VPS33B: variants seen among roughly 807,000 people sequenced by gnomAD.
The protein encoded by VPS33B is vacuolar protein sorting-associated protein 33B.
A neutral mutation model predicts 95.3 loss-of-function variants in VPS33B; 80 were observed. The observed-to-expected ratio is 0.84, with a 90% CI of 0.70 to 1.01. VPS33B has a LOEUF of 1.01. Ranked by LOEUF, VPS33B falls within the 50% of genes least tolerant of loss-of-function variation. The pLI, the probability that VPS33B is intolerant of heterozygous loss-of-function variation, is 0.00. For synonymous variants in VPS33B, 280 were observed against 280.4 expected (o/e 1.00, Z 0.01); for missense variants, 715 against 773.4 (o/e 0.92, Z 0.90).
In VPS33B at chr15:91,006,292, G is replaced by C; in HGVS notation, c.852+80C>G. On this transcript the variant is annotated intron_variant, in intron 11 of 22. Coordinates refer to ENST00000333371, the MANE Select transcript of VPS33B (RefSeq NM_018668.5). The surrounding 1 kb of genome is among the most constrained non-coding windows in gnomAD (Gnocchi z 5.4). ...TCCCCTCTCAGAGCTGGGGCCCACA[G>C]CCTGGTATAAGCAGGGGGCCCACAG... 1.0e-6 allele frequency: 1 copy of C among 978,024 alleles called. No homozygotes were observed. The highest frequency in any genetic ancestry group is 2.5e-5 in the South Asian group (1 of 39,494). The allele number at this position is 978,024 out of a possible 1,614,324, so 60.6% of individuals were successfully genotyped here.
At chr15:91,021,719 A>T (rs561062340) in intron 1 of VPS33B, among the ~76,000 whole-genome samples, 4 of 152,260 alleles carry the variant, frequency 2.6e-5, no homozygotes, top group Non-Finnish European at 5.9e-5. Flanking sequence ...CTTATTACTC[A>T]CACTCACTTC....
intron 17 of VPS33B, 37 bp downstream of exon 17, chr15:91,003,048 A>G: frequency 1.2e-6 from 2 of 1,613,046 alleles, no homozygotes; most frequent in Non-Finnish European, 8.5e-7. Flanking sequence ...ACTGCCCTCC[A>G]TCAAGTTCCC....
chr15:91,019,278 T>C (rs1482276919), intron 1 of VPS33B, among the ~76,000 whole-genome samples: 1 of 151,872 alleles, frequency 6.6e-6, no homozygotes, highest in Non-Finnish European at 1.5e-5. Flanking sequence ...CCACCACACC[T>C]GGCTAATTTT....
In VPS33B at chr15:91,005,923, T is replaced by C. The variant is rs915071635; in HGVS notation, c.939+50A>G. The C allele has an allele frequency of 1.9e-6, 3 of 1,610,958 alleles. No homozygotes were observed. The African/African-American group carries it at 4.0e-5, about 22-fold the overall frequency. ...AAGGGGAGCCCAAGGGCAGCAGCCT[T>C]GGGAAGCCACTGAGGCAACAAAACA... On this transcript the variant is annotated intron_variant, in intron 12 of 22. Coordinates refer to ENST00000333371, the MANE Select transcript of VPS33B (RefSeq NM_018668.5). The surrounding 1 kb of genome is among the most constrained non-coding windows in gnomAD (Gnocchi z 6.4).
chr15:90,999,761 A>G lies in VPS33B; in HGVS notation c.1690T>C (p.Ser564Pro), dbSNP rs1217376595. The change falls in exon 22 of 23, where the codon TCC becomes CCC. Residue 564 changes from serine (S) to proline (P), a missense_variant. Transcript: ENST00000333371. This position sits in a 1 kb window ranked among gnomAD's most constrained non-coding sequence, Gnocchi z 5.1. ...MTKEDKASSE[S>P]LRLILVVFLG... ...AACACCACCAAGATGAGGCGCAGGG[A>G]CTCACTGGAAGCCTTGTCTTCCTTA... 1.9e-6 allele frequency: 3 copies of G among 1,613,928 alleles called. No individual in the cohort carries two copies. Among genetic ancestry groups the G allele is most frequent in the Non-Finnish European group, 2.5e-6 (3 of 1,180,010 alleles).
Position 91,015,907 on chromosome 15 carries a change from A to G in VPS33B, c.239+1056T>C, listed in dbSNP as rs2040910794. Among the ~76,000 whole-genome samples the G allele has an allele frequency of 6.6e-6, 1 of 152,184 alleles. No individual in the cohort carries two copies. The highest frequency in any genetic ancestry group is 1.5e-5 in the Non-Finnish European group (1 of 68,030). ...AATATTTTTTTTCAAACTGGGGTACATGGATATATTCTCCATGTATCCAGG... is the reference window on the plus strand; with the variant it reads ...AATATTTTTTTTCAAACTGGGGTACGTGGATATATTCTCCATGTATCCAGG... On this transcript the variant is annotated intron_variant, in intron 3 of 22. Transcript: ENST00000333371. This position sits in a 1 kb window ranked among gnomAD's most constrained non-coding sequence, Gnocchi z 4.7.
Position 91,013,764 on chromosome 15 carries a change from T to A in VPS33B, c.357+40A>T. 1 of 1,612,236 alleles carries A rather than the reference T, an allele frequency of 6.2e-7. No homozygotes were observed. Among genetic ancestry groups the A allele is most frequent in the Non-Finnish European group, 8.5e-7 (1 of 1,178,384 alleles). ...CTTACCCCTGCCCGGTCCTCAGTCC[T>A]GTTCTACCTTATCCCACTTCCTCCA... On this transcript the variant is annotated intron_variant, in intron 5 of 22. Transcript: ENST00000333371. This position sits in a 1 kb window ranked among gnomAD's most constrained non-coding sequence, Gnocchi z 4.5.
Position 91,006,146 on chromosome 15 carries a change from G to A in VPS33B, c.853-87C>T. ...GACAGTACAGGAAGGGTACTCAGGT[G>A]TTCTGGCAGAAATACAAAGAAAGCT... On this transcript the variant is annotated intron_variant, in intron 11 of 22. Coordinates refer to ENST00000333371, the MANE Select transcript of VPS33B (RefSeq NM_018668.5). The surrounding 1 kb of genome is among the most constrained non-coding windows in gnomAD (Gnocchi z 5.4). 6.7e-7 allele frequency: 1 copy of A among 1,482,462 alleles called. No homozygotes were observed. The highest frequency in any genetic ancestry group is 2.3e-5 in the East Asian group (1 of 44,038). The allele number at this position is 1,482,462 out of a possible 1,614,324, so 91.8% of individuals were successfully genotyped here. A position where few individuals can be genotyped will look rare whatever the true frequency, so the allele number is the denominator to read the frequency against.
In VPS33B at chr15:91,018,975, T is replaced by A. The variant is rs2151685614; in HGVS notation, c.97-1090A>T. Among the ~76,000 whole-genome samples the A allele has an allele frequency of 6.6e-6, 1 of 151,818 alleles. No individual in the cohort carries two copies. The highest frequency in any genetic ancestry group is 1.9e-4 in the East Asian group (1 of 5,150). Reference sequence around the variant, plus strand: ...GATTACAGGTGCCTGCCACCACACCTGGCTAATTTTTGTATTTTTAGTAGA... The same window carrying A: ...GATTACAGGTGCCTGCCACCACACCAGGCTAATTTTTGTATTTTTAGTAGA... On this transcript the variant is annotated intron_variant, in intron 1 of 22. Coordinates refer to ENST00000333371, the MANE Select transcript of VPS33B (RefSeq NM_018668.5). This position sits in a 1 kb window ranked among gnomAD's most constrained non-coding sequence, Gnocchi z 4.7.
Position 91,017,370 on chromosome 15 carries a change from ATATATATATATATATAT to A in VPS33B, c.178-363_178-347del, listed in dbSNP as rs2040965713. 4.9e-3 allele frequency among the ~76,000 whole-genome samples: 132 copies of A among 26,962 alleles called. 25 individuals carry two copies. The highest frequency in any genetic ancestry group is 0.013 in the African/African-American group (123 of 9,268). 17.7% of individuals were successfully genotyped at this position (26,962 alleles called of 152,430 possible). A position where few individuals can be genotyped will look rare whatever the true frequency, so the allele number is the denominator to read the frequency against. ...AGACTCCATCTCTACAAAATTAAATATATATATATATATATATATATATATATATATATATATATATA... is the reference window on the plus strand; with the variant it reads ...AGACTCCATCTCTACAAAATTAAATAATATATATATATATATATATATATA... On this transcript the variant is annotated intron_variant, in intron 2 of 22. Coordinates refer to ENST00000333371, the MANE Select transcript of VPS33B (RefSeq NM_018668.5).
rs1462009963 is a variant in VPS33B at position 91,015,793 on chromosome 15, G to A, written c.239+1170C>T. On this transcript the variant is annotated intron_variant, in intron 3 of 22. Coordinates refer to ENST00000333371, the MANE Select transcript of VPS33B (RefSeq NM_018668.5). The surrounding 1 kb of genome is among the most constrained non-coding windows in gnomAD (Gnocchi z 4.7). ...TGCAGTGAGCTATGATTGCACCACT[G>A]CACTCCAGCCTGTGCAACAGAGTGA... 6.6e-6 allele frequency among the ~76,000 whole-genome samples: 1 copy of A among 152,088 alleles called. No individual in the cohort carries two copies. Among genetic ancestry groups the A allele is most frequent in the Non-Finnish European group, 1.5e-5 (1 of 68,016 alleles).
Position 91,002,972 on chromosome 15 carries a change from G to C in VPS33B, c.1272+113C>G, listed in dbSNP as rs1178085833. 3.6e-5 allele frequency: 42 copies of C among 1,182,792 alleles called. No individual in the cohort carries two copies. Among genetic ancestry groups the C allele is most frequent in the Admixed American group, 5.0e-5 (3 of 59,420 alleles). The allele number at this position is 1,182,792 out of a possible 1,614,324, so 73.3% of individuals were successfully genotyped here. ...TAGCTCTAAGAGGGAGGCCTGAATG[G>C]AAACAGGAGGGTAATGGAGGCAGGA... On this transcript the variant is annotated intron_variant, in intron 17 of 22. Coordinates refer to ENST00000333371, the MANE Select transcript of VPS33B (RefSeq NM_018668.5). The surrounding 1 kb of genome is among the most constrained non-coding windows in gnomAD (Gnocchi z 4.7).
intron 16 of VPS33B, 140 bp from the exon 17 acceptor site, chr15:91,003,271 G>C (rs1158533675): frequency 1.2e-5 from 10 of 855,452 alleles, no homozygotes; most frequent in Non-Finnish European, 1.9e-5. Flanking sequence ...TATACATTTG[G>C]TTCTAAATTT....
At position 90,999,056 on chromosome 15, in the gene VPS33B, T is replaced by C; in HGVS notation, c.1775-2A>G. ...TCGTCAGGAAAATGAACCTGTAGCCTAAGGAGTCAAATGCAGCAGCAGAAG... is the reference window on the plus strand; with the variant it reads ...TCGTCAGGAAAATGAACCTGTAGCCCAAGGAGTCAAATGCAGCAGCAGAAG... On this transcript the variant is annotated splice_acceptor_variant, in intron 22 of 22. Coordinates refer to ENST00000333371, the MANE Select transcript of VPS33B (RefSeq NM_018668.5). LOFTEE classifies it high-confidence loss of function. This position sits in a 1 kb window ranked among gnomAD's most constrained non-coding sequence, Gnocchi z 5.1. The C allele has an allele frequency of 6.2e-7, 1 of 1,613,958 alleles. No homozygotes were observed. The highest frequency in any genetic ancestry group is 8.5e-7 in the Non-Finnish European group (1 of 1,179,956).
At position 91,017,899 on chromosome 15, in the gene VPS33B, A is replaced by G. The variant is rs774909697; in HGVS notation, c.97-14T>C. 1 of 1,613,842 alleles carries G rather than the reference A, an allele frequency of 6.2e-7. No homozygotes were observed. Among genetic ancestry groups the G allele is most frequent in the South Asian group, 1.1e-5 (1 of 91,088 alleles). ...TTTTCCAGGAAGCTGAAGGAGACAC[A>G]ATATGTTGGGTCACTCACAGGTCAC... On this transcript the variant is annotated splice_polypyrimidine_tract_variant and intron_variant, in intron 1 of 22. Coordinates refer to ENST00000333371, the MANE Select transcript of VPS33B (RefSeq NM_018668.5).
rs1261321777 is a variant in VPS33B at position 91,009,068 on chromosome 15, G to A, written c.403+733C>T. Among the ~76,000 whole-genome samples, 1 of 152,108 alleles carries A rather than the reference G, an allele frequency of 6.6e-6. No homozygotes were observed. Among genetic ancestry groups the A allele is most frequent in the African/African-American group, 2.4e-5 (1 of 41,408 alleles). ...ATTGAGCCGCTGCTATTTCCAGCAG[G>A]GAGGGCTGTGATCAGGTTTGGGTTG... On this transcript the variant is annotated intron_variant, in intron 6 of 22. Transcript: ENST00000333371. The surrounding 1 kb of genome is among the most constrained non-coding windows in gnomAD (Gnocchi z 4.1).
At position 91,000,516 on chromosome 15, in the gene VPS33B, G is replaced by A. The variant is rs1018892338; in HGVS notation, c.1555C>T (p.Pro519Ser). The A allele has an allele frequency of 6.2e-7, 1 of 1,613,382 alleles. No homozygotes were observed. The highest frequency in any genetic ancestry group is 8.5e-7 in the Non-Finnish European group (1 of 1,179,606). The stretch of plus-strand genomic sequence containing the variant: ...TGCTCAATGATTCGGCAGCTCAGGG[G>A]CACATAAGCACCACCGAAGACGTAA... ...MAYVFGGAYV[P>S]LSCRIIEQVL... Residue 519 changes from proline (P) to serine (S), a missense_variant, in exon 20 of 23, where the codon CCC (proline) becomes TCC (serine). Transcript: ENST00000333371. The surrounding 1 kb of genome is among the most constrained non-coding windows in gnomAD (Gnocchi z 4.9).
At chr15:91,016,375 C>CTTCT (rs1184199295) in intron 3 of VPS33B, among the ~76,000 whole-genome samples, 1 of 96,016 alleles carries the variant, frequency 1.0e-5, no homozygotes, top group Non-Finnish European at 2.0e-5. Context: ...GCAGATTCTT[C>CTTCT]TTTTTTTTTT....
chr15:91,017,087 C>G (rs1164664350), intron 2 of VPS33B, 63 bp from the exon 3 acceptor site: 2 of 1,511,132 alleles, frequency 1.3e-6, no homozygotes. Context: ...AAGTGTGACA[C>G]GAAGATAGGG....
Sources: gnomAD v4.1 joint callset for allele counts (sites outside exome capture counted in the v4.1 genomes callset) on GRCh38, gnomAD v4.1.1 for gene constraint, Gnocchi (gnomAD v3.1) non-coding constraint, MANE v1.5 for transcripts, NCBI Gene and HGNC (gene_info 2026-07-23, HGNC 2026-07-21) for gene names.